DGKB: variants seen among roughly 807,000 people sequenced by gnomAD.
DGKB encodes the protein diacylglycerol kinase beta, also known as 90 kDa diacylglycerol kinase.
In DGKB, 67 loss-of-function variants were observed where a neutral mutation model predicts 114.3. The observed-to-expected ratio is 0.59, with a 90% CI of 0.48 to 0.72. The LOEUF is 0.72. Ranked by LOEUF, DGKB falls within the 30% of genes least tolerant of loss-of-function variation. The pLI is 0.00. For missense variants in DGKB, 907 were observed against 975.2 expected (o/e 0.93, Z 0.93); for synonymous variants, 398 against 323.1 (o/e 1.23, Z -2.49).
chr7:14,406,501 T>C lies in DGKB; in HGVS notation c.1836-61110A>G, dbSNP rs569632365. 9.9e-5 allele frequency among the ~76,000 whole-genome samples: 15 copies of C among 152,200 alleles called. 1 individual carries two copies. The South Asian group carries it at 2.9e-3, about 29-fold the overall frequency. Reference sequence around the variant, plus strand: ...GTGTTGGCTCTACATGTCCAGGTACTACTGATCACGACAGCACTTACAGGC... The same window carrying C: ...GTGTTGGCTCTACATGTCCAGGTACCACTGATCACGACAGCACTTACAGGC... On this transcript the variant is annotated intron_variant, in intron 21 of 25. Transcript: ENST00000402815.
intron 13 of DGKB, among the ~76,000 whole-genome samples, chr7:14,647,245 C>T (rs1200598830): frequency 6.6e-6 from 1 of 151,926 alleles, no homozygotes; most frequent in Non-Finnish European, 1.5e-5. Flanking sequence ...TTACAACCTG[C>T]CAAAATTGAA....
intron 5 of DGKB, among the ~76,000 whole-genome samples, chr7:14,734,996 ACCTGC>A (rs1329485078): frequency 6.6e-6 from 1 of 152,074 alleles, no homozygotes; most frequent in Non-Finnish European, 1.5e-5. Context: ...CAGCAAGAGA[ACCTGC>A]TGCTCCTGTT....
intron 20 of DGKB, among the ~76,000 whole-genome samples, chr7:14,565,285 C>T (rs1281386612): frequency 2.0e-5 from 3 of 152,096 alleles, no homozygotes; most frequent in African/African-American, 2.4e-5. Context: ...CAGCTAGAAC[C>T]AACTGCCAGA....
intron 1 of DGKB, among the ~76,000 whole-genome samples, chr7:14,865,557 G>T (rs1225604208): frequency 1.3e-5 from 2 of 152,182 alleles, no homozygotes; most frequent in Admixed American, 6.5e-5. Context: ...TCCTGCTGTT[G>T]CTATTCTCCG....
chr7:14,333,275 G>A (rs1463557468), intron 23 of DGKB, among the ~76,000 whole-genome samples: 3 of 151,754 alleles, frequency 2.0e-5, no homozygotes, highest in African/African-American at 7.3e-5. Flanking sequence ...TGGCTAACAC[G>A]GTGAAATACC....
intron 23 of DGKB, among the ~76,000 whole-genome samples, chr7:14,264,445 G>A (rs959312948): frequency 6.6e-6 from 1 of 151,966 alleles, no homozygotes; most frequent in Non-Finnish European, 1.5e-5. Flanking sequence ...TGTTTTTTTA[G>A]GCAGAGGTCC....
intron 10 of DGKB, among the ~76,000 whole-genome samples, chr7:14,683,939 T>C (rs377492979): frequency 1.1e-4 from 17 of 152,244 alleles, no homozygotes; most frequent in African/African-American, 3.4e-4. Flanking sequence ...ACTCATCTTA[T>C]TTGAGACTTA....
intron 17 of DGKB, among the ~76,000 whole-genome samples, chr7:14,587,669 C>T (rs886774035): frequency 3.3e-5 from 5 of 152,054 alleles, no homozygotes; most frequent in Non-Finnish European, 5.9e-5. Context: ...CTAGAGCCAC[C>T]TCCACCTTCA....
chr7:14,284,559 C>A (rs1163115612), intron 23 of DGKB, among the ~76,000 whole-genome samples: 3 of 141,808 alleles, frequency 2.1e-5, no homozygotes, highest in African/African-American at 6.0e-5. Flanking sequence ...GACACATGCA[C>A]ACGTATGTTT....
chr7:14,422,384 G>A (rs1826850759), intron 21 of DGKB, among the ~76,000 whole-genome samples: 1 of 151,930 alleles, frequency 6.6e-6, no homozygotes, highest in African/African-American at 2.4e-5. Context: ...AAAACTCTGC[G>A]AATAAAGAAA....
intron 20 of DGKB, among the ~76,000 whole-genome samples, chr7:14,530,151 G>T (rs983072143): frequency 6.6e-6 from 1 of 151,380 alleles, no homozygotes; most frequent in Non-Finnish European, 1.5e-5. Context: ...TTTTATTAAG[G>T]CTGTGTTTTT....
intron 6 of DGKB, among the ~76,000 whole-genome samples, chr7:14,710,876 C>T (rs1007187706): frequency 3.3e-5 from 5 of 151,986 alleles, no homozygotes; most frequent in Non-Finnish European, 5.9e-5. Flanking sequence ...GTTATTTTAG[C>T]TACTTTACAT....
chr7:14,868,508 G>A lies in DGKB; in HGVS notation c.-187-27058C>T, dbSNP rs1385461889. The stretch of plus-strand genomic sequence containing the variant: ...TGCCACAATGCCCAGCTAATTTTGT[G>A]TATCTTCAGTAGAGATGGGGTTTCA... On this transcript the variant is annotated intron_variant, in intron 1 of 25. Transcript: ENST00000402815. Among the ~76,000 whole-genome samples the A allele has an allele frequency of 8.6e-5, 13 of 151,764 alleles. 1 individual carries two copies. Among genetic ancestry groups the A allele is most frequent in the Admixed American group, 8.5e-4 (13 of 15,238 alleles).
chr7:14,268,279 T>C (rs1797807011), intron 23 of DGKB, among the ~76,000 whole-genome samples: 1 of 151,964 alleles, frequency 6.6e-6, no homozygotes, highest in Non-Finnish European at 1.5e-5. Flanking sequence ...CATCACCAGA[T>C]TATAAGACAT....
At chr7:14,248,800 C>CTTCT (rs1409360419) in intron 23 of DGKB, among the ~76,000 whole-genome samples, 2 of 152,020 alleles carry the variant, frequency 1.3e-5, no homozygotes, top group African/African-American at 2.4e-5. Context: ...TACCATTTTA[C>CTTCT]TTCTTTCTTT....
At chr7:14,558,169 G>GAT (rs769278999) in intron 20 of DGKB, among the ~76,000 whole-genome samples, 175 of 149,746 alleles carry the variant, frequency 1.2e-3, no homozygotes, top group Non-Finnish European at 1.9e-3. Context: ...AAATAATTTA[G>GAT]ATATATATAC....
intron 1 of DGKB, among the ~76,000 whole-genome samples, chr7:14,932,757 T>C (rs1015611706): frequency 1.3e-5 from 2 of 152,182 alleles, no homozygotes; most frequent in Non-Finnish European, 2.9e-5. Flanking sequence ...AGAACCAAAG[T>C]ATCATAAGGG....
At chr7:14,224,975 T>G (rs1215417372) in intron 23 of DGKB, among the ~76,000 whole-genome samples, 1 of 152,026 alleles carries the variant, frequency 6.6e-6, no homozygotes, top group Non-Finnish European at 1.5e-5. Flanking sequence ...GAGATATGTT[T>G]TGAAGTTAGG....
At chr7:14,318,847 T>C (rs1341534353) in intron 23 of DGKB, among the ~76,000 whole-genome samples, 3 of 152,190 alleles carry the variant, frequency 2.0e-5, no homozygotes, top group Non-Finnish European at 4.4e-5. Flanking sequence ...CGTATGTTTA[T>C]TGCGGCATTA....
Sources: allele counts gnomAD v4.1 joint callset (sites outside exome capture counted in the v4.1 genomes callset), GRCh38; gene constraint gnomAD v4.1.1; transcripts MANE v1.5; gene names NCBI Gene and HGNC (gene_info 2026-07-23, HGNC 2026-07-21).